LUZP2: variants seen among roughly 807,000 people sequenced by gnomAD.
LUZP2 encodes the protein leucine zipper protein 2.
A neutral mutation model predicts 51.6 loss-of-function variants in LUZP2; 52 were observed. That is an observed-to-expected ratio of 1.01 (90% CI 0.81 to 1.27). The LOEUF is 1.27. Ranked by LOEUF, LUZP2 falls within the 50% of genes most tolerant of loss-of-function variation. The pLI is 0.00. For synonymous variants in LUZP2, 154 were observed against 137.3 expected (o/e 1.12, Z -0.85); for missense variants, 436 against 395.4 (o/e 1.10, Z -0.87).
At chr11:24,532,580 A>C (rs945502054) in intron 1 of LUZP2, among the ~76,000 whole-genome samples, 1 of 151,034 alleles carries the variant, frequency 6.6e-6, no homozygotes, top group Non-Finnish European at 1.5e-5. Flanking sequence ...ACTAGTATAT[A>C]CTTCTATTGC....
chr11:25,049,822 AATTT>A (rs1468709003), intron 9 of LUZP2, among the ~76,000 whole-genome samples: 3 of 152,048 alleles, frequency 2.0e-5, no homozygotes, highest in African/African-American at 7.2e-5. Flanking sequence ...AATTAAATAT[AATTT>A]ATTTATTTAA....
At chr11:24,718,445 G>A (rs867973853) in intron 1 of LUZP2, among the ~76,000 whole-genome samples, 8 of 152,332 alleles carry the variant, frequency 5.3e-5, no homozygotes, top group Middle Eastern at 3.4e-3. Flanking sequence ...GGAATTTGGA[G>A]TGTCTGTGAG....
At chr11:24,764,489 C>CAAAAAAAAAAAAAAAAAAAAAAA (rs1565124723) in intron 5 of LUZP2, among the ~76,000 whole-genome samples, 3 of 56,420 alleles carry the variant, frequency 5.3e-5, no homozygotes, top group East Asian at 4.5e-4. Flanking sequence ...AATCTCATCT[C>CAAAAAAAAAAAAAAAAAAAAAAA]TAAAAAAAAA....
At chr11:24,826,146 A>C (rs1010636745) in intron 5 of LUZP2, among the ~76,000 whole-genome samples, 22 of 138,910 alleles carry the variant, frequency 1.6e-4, no homozygotes, top group African/African-American at 5.9e-4. Context: ...ACTGCACTCC[A>C]GCCTAGGCGA....
At chr11:24,709,494 G>A (rs1857735777) in intron 1 of LUZP2, among the ~76,000 whole-genome samples, 1 of 152,082 alleles carries the variant, frequency 6.6e-6, no homozygotes, top group South Asian at 2.1e-4. Context: ...AGCTAAAAGA[G>A]AAAGGGCAGA....
At chr11:25,009,147 C>G (rs1856915838) in intron 9 of LUZP2, among the ~76,000 whole-genome samples, 1 of 152,160 alleles carries the variant, frequency 6.6e-6, no homozygotes, top group African/African-American at 2.4e-5. Context: ...GGACTGTGTA[C>G]ATTCCAACAA....
chr11:24,839,971 C>T (rs549331502), intron 5 of LUZP2, among the ~76,000 whole-genome samples: 6 of 151,776 alleles, frequency 4.0e-5, no homozygotes, highest in African/African-American at 4.8e-5. Context: ...TGCCATCTAG[C>T]CCCAGCATAT....
chr11:24,875,434 A>C (rs530146506), intron 5 of LUZP2, among the ~76,000 whole-genome samples: 47 of 141,016 alleles, frequency 3.3e-4, no homozygotes, highest in South Asian at 3.3e-3. Context: ...ACATGAACTC[A>C]TCCTTTTTTA....
At chr11:24,555,291 A>G (rs1024376994) in intron 1 of LUZP2, among the ~76,000 whole-genome samples, 5 of 152,192 alleles carry the variant, frequency 3.3e-5, no homozygotes, top group African/African-American at 1.2e-4. Flanking sequence ...TACATAACTC[A>G]GAGCTTTTGT....
At chr11:24,815,765 T>C (rs1590580486) in intron 5 of LUZP2, among the ~76,000 whole-genome samples, 1 of 152,260 alleles carries the variant, frequency 6.6e-6, no homozygotes, top group African/African-American at 2.4e-5. Flanking sequence ...TAAAATGCTC[T>C]GAGTGTCATT....
chr11:24,995,472 T>C (rs1232023175), intron 9 of LUZP2, among the ~76,000 whole-genome samples: 4 of 152,208 alleles, frequency 2.6e-5, no homozygotes, highest in Non-Finnish European at 4.4e-5. Context: ...AGGGGACTCA[T>C]ATTTATCATT....
chr11:25,075,521 T>C (rs886242245), intron 10 of LUZP2, among the ~76,000 whole-genome samples: 6 of 152,208 alleles, frequency 3.9e-5, no homozygotes, highest in Admixed American at 2.6e-4. Context: ...TGGAGATAAA[T>C]GTTGCCCCTG....
chr11:24,616,501 GTA>G, intron 1 of LUZP2, among the ~76,000 whole-genome samples: 1 of 151,698 alleles, frequency 6.6e-6, no homozygotes, highest in South Asian at 2.1e-4. Context: ...GTGTGTGTGT[GTA>G]TGTTAATGTT....
intron 9 of LUZP2, among the ~76,000 whole-genome samples, chr11:25,009,262 T>A (rs1285775314): frequency 5.9e-5 from 9 of 152,204 alleles, no homozygotes; most frequent in Non-Finnish European, 1.2e-4. Context: ...GAAAGTGAGA[T>A]ACGTACTTTA....
intron 4 of LUZP2, among the ~76,000 whole-genome samples, chr11:24,741,669 GT>G (rs1859148682): frequency 6.6e-6 from 1 of 150,932 alleles, no homozygotes; most frequent in South Asian, 2.1e-4. Context: ...ACAGTGTTTC[GT>G]TTTCCATTCC....
intron 5 of LUZP2, among the ~76,000 whole-genome samples, chr11:24,776,436 AAC>A (rs1848928818): frequency 6.6e-6 from 1 of 152,126 alleles, no homozygotes; most frequent in Non-Finnish European, 1.5e-5. Context: ...CCCTACTCAA[AAC>A]ACAGATTTCC....
At chr11:24,939,053 A>ATT (rs1854670879) in intron 7 of LUZP2, among the ~76,000 whole-genome samples, 1 of 151,698 alleles carries the variant, frequency 6.6e-6, no homozygotes, top group Non-Finnish European at 1.5e-5. Context: ...ATTTGAAAGG[A>ATT]TTTTTCTCTC....
intron 5 of LUZP2, among the ~76,000 whole-genome samples, chr11:24,905,046 G>C (rs767044133): frequency 5.3e-5 from 8 of 151,952 alleles, no homozygotes; most frequent in Non-Finnish European, 1.0e-4. Flanking sequence ...TGATAACAGG[G>C]TCATTACAGT....
chr11:24,950,183 A>G (rs1855037394), intron 7 of LUZP2, among the ~76,000 whole-genome samples: 1 of 151,342 alleles, frequency 6.6e-6, no homozygotes, highest in African/African-American at 2.4e-5. Context: ...TGATGAATGG[A>G]TGGGTTGACT....
Sources: gnomAD v4.1 joint callset for allele counts (sites outside exome capture counted in the v4.1 genomes callset) on GRCh38, gnomAD v4.1.1 for gene constraint, MANE v1.5 for transcripts, NCBI Gene and HGNC (gene_info 2026-07-23, HGNC 2026-07-21) for gene names.